Variants in BANK1 observed in about 807,000 individuals in gnomAD.
The protein encoded by BANK1 is B cell scaffold protein with ankyrin repeats 1, also known as B-cell scaffold protein with ankyrin repeats.
Under a neutral mutation model 94.5 loss-of-function variants are expected in BANK1, and 95 were observed. That is an observed-to-expected ratio of 1.00 (90% confidence interval 0.85 to 1.19). BANK1 has a LOEUF of 1.19. Among genes scored for constraint, BANK1 ranks in the 50% most tolerant of loss-of-function variants. BANK1 has a pLI of 0.00. For missense variants in BANK1, 987 were observed against 932.2 expected (o/e 1.06, Z -0.77); for synonymous variants, 334 against 308.4 (o/e 1.08, Z -0.87).
intron 1 of BANK1, among the ~76,000 whole-genome samples, chr4:101,819,200 C>G (rs1334515402): frequency 1.3e-5 from 2 of 152,222 alleles, no homozygotes; most frequent in East Asian, 3.9e-4. Context: ...AGACTAGTAA[C>G]TAATAATTGC....
intron 7 of BANK1, among the ~76,000 whole-genome samples, chr4:101,962,887 A>G (rs779121709): frequency 6.6e-6 from 1 of 152,106 alleles, no homozygotes; most frequent in Non-Finnish European, 1.5e-5. Context: ...CAATTAGGTC[A>G]TCATTGATAT....
chr4:101,803,143 T>G (rs1256802171), intron 1 of BANK1, among the ~76,000 whole-genome samples: 1 of 152,256 alleles, frequency 6.6e-6, no homozygotes, highest in Non-Finnish European at 1.5e-5. Context: ...TAAGTTCTTT[T>G]GAACAAATTT....
intron 7 of BANK1, among the ~76,000 whole-genome samples, chr4:101,942,297 A>G (rs1311702080): frequency 1.3e-5 from 2 of 151,906 alleles, no homozygotes; most frequent in Non-Finnish European, 1.5e-5. Context: ...TGAAAGTTCT[A>G]TGCCACCAGG....
chr4:101,885,156 A>T (rs544578567), intron 5 of BANK1, among the ~76,000 whole-genome samples: 1 of 152,306 alleles, frequency 6.6e-6, no homozygotes, highest in Non-Finnish European at 1.5e-5. Context: ...ACCTCAGGTG[A>T]TCCACCGACC....
chr4:101,810,941 T>G (rs80060574), intron 1 of BANK1, among the ~76,000 whole-genome samples: 1 of 152,152 alleles, frequency 6.6e-6, no homozygotes, highest in Non-Finnish European at 1.5e-5. Flanking sequence ...GTATCAATGA[T>G]TGCTGGTCAC....
intron 2 of BANK1, among the ~76,000 whole-genome samples, chr4:101,848,420 A>AT (rs954795990): frequency 4.6e-5 from 7 of 151,704 alleles, no homozygotes; most frequent in Non-Finnish European, 7.4e-5. Flanking sequence ...CCATATTTTA[A>AT]TTTTTTTTCT....
chr4:102,043,791 T>G (rs771186632), intron 10 of BANK1, 48 bp from the exon 11 acceptor site: 2 of 1,307,770 alleles, frequency 1.5e-6, no homozygotes, highest in South Asian at 2.8e-5. Flanking sequence ...AGTATGGATT[T>G]TTTGAACGTT....
intron 7 of BANK1, among the ~76,000 whole-genome samples, chr4:101,936,421 A>G (rs114054120): frequency 0.026 from 3,926 of 150,298 alleles, 180 homozygotes; most frequent in African/African-American, 0.091. Flanking sequence ...GCATGTATAC[A>G]TGCATGTATA....
rs531321130 is a variant in BANK1 at position 101,934,675 on chromosome 4, C to G, written c.1206+16486C>G. ...AACATAACCAAACAAAAAGCCAAAA[C>G]AAAACCACTGACTTACCTGTAAACT... On this transcript the variant is annotated intron_variant, in intron 7 of 16. Transcript: ENST00000322953. Among the ~76,000 whole-genome samples the G allele has an allele frequency of 1.4e-3, 214 of 151,586 alleles. 2 individuals carry two copies. The highest frequency in any genetic ancestry group is 4.8e-3 in the African/African-American group (198 of 41,468).
chr4:102,002,353 C>A (rs1726105513), intron 7 of BANK1, among the ~76,000 whole-genome samples: 2 of 150,358 alleles, frequency 1.3e-5, no homozygotes, highest in African/African-American at 4.9e-5. Context: ...AAGTCAGTTT[C>A]TTCCTTTGTG....
At chr4:101,880,691 C>CA (rs1728645451) in intron 5 of BANK1, among the ~76,000 whole-genome samples, 1 of 151,902 alleles carries the variant, frequency 6.6e-6, no homozygotes, top group Non-Finnish European at 1.5e-5. Flanking sequence ...GCTATAGTAA[C>CA]AAAAAACAGC....
At chr4:102,006,778 C>T (rs1413291883) in intron 7 of BANK1, among the ~76,000 whole-genome samples, 1 of 151,346 alleles carries the variant, frequency 6.6e-6, no homozygotes, top group Non-Finnish European at 1.5e-5. Context: ...CTGGCCCTTA[C>T]TGTAATTTTA....
chr4:101,952,278 C>T (rs550673111), intron 7 of BANK1, among the ~76,000 whole-genome samples: 4 of 151,950 alleles, frequency 2.6e-5, no homozygotes, highest in East Asian at 1.9e-4. Context: ...TATGTTTTTT[C>T]GCTTAAAGTA....
chr4:101,912,512 T>C lies in BANK1; in HGVS notation c.1010-5481T>C, dbSNP rs530103384. 2.0e-5 allele frequency among the ~76,000 whole-genome samples: 3 copies of C among 151,260 alleles called. No individual in the cohort carries two copies. The East Asian group carries it at 5.8e-4, about 29-fold the overall frequency. On this transcript the variant is annotated intron_variant, in intron 6 of 16. Transcript: ENST00000322953. Reference sequence around the variant, plus strand: ...GTGTGTGTATATGTGTGTTGAAAGATAGATAGAGATAGGTTCATAGAAATA... The same window carrying C: ...GTGTGTGTATATGTGTGTTGAAAGACAGATAGAGATAGGTTCATAGAAATA...
intron 1 of BANK1, among the ~76,000 whole-genome samples, chr4:101,809,923 G>A (rs998566388): frequency 6.6e-5 from 10 of 152,162 alleles, no homozygotes; most frequent in Admixed American, 6.6e-4. Flanking sequence ...ATGTTTTATG[G>A]CAGAGAAGAA....
intron 7 of BANK1, among the ~76,000 whole-genome samples, chr4:101,995,767 C>A (rs1725857208): frequency 6.6e-6 from 1 of 151,922 alleles, no homozygotes; most frequent in Admixed American, 6.6e-5. Flanking sequence ...CTGTTCATAT[C>A]CTTCACCCAC....
intron 7 of BANK1, among the ~76,000 whole-genome samples, chr4:102,003,833 GTA>G (rs201673515): frequency 1.7e-3 from 253 of 150,618 alleles, no homozygotes; most frequent in African/African-American, 4.5e-3. Context: ...ATTTACTTAT[GTA>G]TATATATATG....
At position 101,829,940 on chromosome 4, in the gene BANK1, G is replaced by A. The variant is rs369642143; in HGVS notation, c.203G>A (p.Arg68Gln). Residue 68 changes from arginine to glutamine, a missense_variant, in exon 2 of 17, where the codon CGG (arginine) becomes CAG (glutamine). Physicochemically the swap from Arg to Gln is conservative, Grantham distance 43 (BLOSUM62 1). Coordinates refer to ENST00000322953, the MANE Select transcript of BANK1 (RefSeq NM_017935.5). The stretch of plus-strand genomic sequence containing the variant: ...TATCGCTTGGAGAATTTCTCTTTTC[G>A]GCATTTGGAGTTGCTGAACTTAACG... ...LLYRLENFSFRHLELLNLTSY... is the reference protein window; with the variant it reads ...LLYRLENFSFQHLELLNLTSY... The A allele has an allele frequency of 1.5e-5, 24 of 1,613,798 alleles. No individual in the cohort carries two copies. Among genetic ancestry groups the A allele is most frequent in the South Asian group, 6.6e-5 (6 of 91,058 alleles).
intron 1 of BANK1, among the ~76,000 whole-genome samples, chr4:101,798,302 A>G (rs1254955175): frequency 6.6e-6 from 1 of 152,166 alleles, no homozygotes; most frequent in East Asian, 1.9e-4. Flanking sequence ...GGCATCAAGG[A>G]AAGGATTTTA....
Sources: allele counts gnomAD v4.1 joint callset (sites outside exome capture counted in the v4.1 genomes callset), GRCh38; gene constraint gnomAD v4.1.1; transcripts MANE v1.5; gene names NCBI Gene and HGNC (gene_info 2026-07-23, HGNC 2026-07-21).